The following FLACC1 variants were observed in gnomAD, a reference collection of about 807,000 sequenced individuals.
FLACC1 encodes flagellum-associated coiled-coil domain-containing protein 1.
Under a neutral mutation model 62.8 loss-of-function variants are expected in FLACC1, and 66 were observed. That is an observed-to-expected ratio of 1.05 (90% CI 0.86 to 1.29). The LOEUF (loss-of-function observed/expected upper bound fraction) is 1.29. Ranked by LOEUF, FLACC1 falls within the 50% of genes most tolerant of loss-of-function variation. The pLI is 0.00. For synonymous variants in FLACC1, 156 were observed against 161.0 expected, an observed-to-expected ratio of 0.97 and a Z score of 0.24; for missense variants, 452 against 489.1, an observed-to-expected ratio of 0.92 and a Z score of 0.71.
chr2:201,290,270 T>C (rs1949701509), intron 12 of FLACC1, among the ~76,000 whole-genome samples: 1 of 152,064 alleles, frequency 6.6e-6, no homozygotes, highest in Admixed American at 6.6e-5. Context: ...AGAACCCTCA[T>C]GTAAACTATG....
chr2:201,348,311 G>A lies in FLACC1; in HGVS notation c.186-9C>T, dbSNP rs1950959053. On this transcript the variant is annotated splice_polypyrimidine_tract_variant and intron_variant, in intron 3 of 14. Coordinates refer to ENST00000392257, the MANE Select transcript of FLACC1 (RefSeq NM_001127391.3). Reference sequence around the variant, plus strand: ...CTGAATGGATTTTCATTCTGCAAGAGAAAGACATGCTCAGAAAGCAACCAG... The same window carrying A: ...CTGAATGGATTTTCATTCTGCAAGAAAAAGACATGCTCAGAAAGCAACCAG... 6.2e-7 allele frequency: 1 copy of A among 1,611,570 alleles called. No individual in the cohort carries two copies. Among genetic ancestry groups the A allele is most frequent in the Non-Finnish European group, 8.5e-7 (1 of 1,179,686 alleles).
In FLACC1 at chr2:201,330,499, A is replaced by T. The variant is rs1312519282; in HGVS notation, c.646T>A (p.Tyr216Asn). The change falls in exon 9 of 15, where the codon TAT (tyrosine) becomes AAT (asparagine). Residue 216 changes from tyrosine to asparagine, a missense_variant. Around this residue, in one of 3 missense-constraint regions of FLACC1, gnomAD observed 301 missense variants for 318.4 expected, o/e 0.95. Coordinates refer to ENST00000392257, the MANE Select transcript of FLACC1 (RefSeq NM_001127391.3). ...KLEEMGKEYKYLKNMFRTYQD... is the reference protein window; with the variant it reads ...KLEEMGKEYKNLKNMFRTYQD... ...TACGTACGAAACATATTCTTCAAAT[A>T]CTTGTATTCTTTTCCCATCTCCTCT... The T allele has an allele frequency of 1.2e-6, 2 of 1,613,916 alleles. No homozygotes were observed. The highest frequency in any genetic ancestry group is 3.3e-5 in the Admixed American group (2 of 59,966).
intron 11 of FLACC1, among the ~76,000 whole-genome samples, chr2:201,301,690 G>C (rs1043986005): frequency 6.6e-6 from 1 of 152,164 alleles, no homozygotes; most frequent in Non-Finnish European, 1.5e-5. Flanking sequence ...AGAAAGGTTG[G>C]GTTACCCACA....
chr2:201,360,710 A>G (rs2125632948), upstream of FLACC1, among the ~76,000 whole-genome samples: 1 of 152,342 alleles, frequency 6.6e-6, no homozygotes, highest in Admixed American at 6.5e-5. Flanking sequence ...AAGAGGGGCC[A>G]CTGTTCTGAG....
intron 9 of FLACC1, among the ~76,000 whole-genome samples, chr2:201,328,824 TAA>T (rs1246339735): frequency 6.6e-6 from 1 of 152,266 alleles, no homozygotes; most frequent in Non-Finnish European, 1.5e-5. Flanking sequence ...TATTTTGAAA[TAA>T]GTTATAGAGC....
At chr2:201,296,420 C>G (rs564792485) in intron 12 of FLACC1, among the ~76,000 whole-genome samples, 1 of 149,666 alleles carries the variant, frequency 6.7e-6, no homozygotes, top group Non-Finnish European at 1.5e-5. Flanking sequence ...GGACAAAAAA[C>G]CAAACACCAC....
At chr2:201,301,331 G>C (rs1444476857) in intron 11 of FLACC1, among the ~76,000 whole-genome samples, 1 of 152,200 alleles carries the variant, frequency 6.6e-6, no homozygotes, top group Non-Finnish European at 1.5e-5. Context: ...AAGGGTATCA[G>C]TGATTGAAGA....
intron 3 of FLACC1, among the ~76,000 whole-genome samples, chr2:201,348,782 G>A (rs1466951875): frequency 6.6e-6 from 1 of 152,096 alleles, no homozygotes; most frequent in Non-Finnish European, 1.5e-5. Context: ...AGTTAAACTT[G>A]TTTTTCATTC....
At chr2:201,296,896 G>A (rs1002426878) in intron 12 of FLACC1, among the ~76,000 whole-genome samples, 1 of 152,166 alleles carries the variant, frequency 6.6e-6, no homozygotes, top group African/African-American at 2.4e-5. Flanking sequence ...GATTGGAAGG[G>A]CAAGAGGGAA....
intron 9 of FLACC1, among the ~76,000 whole-genome samples, chr2:201,313,956 A>T (rs1048896045): frequency 8.5e-5 from 13 of 152,234 alleles, no homozygotes; most frequent in African/African-American, 2.9e-4. Flanking sequence ...GATCCTAAAA[A>T]GAGATAACAA....
At chr2:201,362,900 A>C in the FLACC1 span, among the ~76,000 whole-genome samples, 1 of 152,152 alleles carries the variant, frequency 6.6e-6, no homozygotes, top group Non-Finnish European at 1.5e-5. Context: ...TAGTAGGTGC[A>C]GGGATTGTGC....
At chr2:201,294,467 G>A (rs561663390) in intron 12 of FLACC1, among the ~76,000 whole-genome samples, 21 of 152,112 alleles carry the variant, frequency 1.4e-4, no homozygotes, top group African/African-American at 4.1e-4. Flanking sequence ...AACAAAATTC[G>A]AAAACCGTTC....
chr2:201,362,945 C>A, the FLACC1 span, among the ~76,000 whole-genome samples: 1 of 152,148 alleles, frequency 6.6e-6, no homozygotes, highest in African/African-American at 2.4e-5. Context: ...GGGAGGAGAG[C>A]TGCTACAGCT....
In FLACC1 at chr2:201,338,438, T is replaced by C. The variant is rs989556445; in HGVS notation, c.524+3932A>G. 2.0e-5 allele frequency among the ~76,000 whole-genome samples: 3 copies of C among 152,298 alleles called. No individual in the cohort carries two copies. In the East Asian group the frequency reaches 5.8e-4, roughly 29 times the overall value. On this transcript the variant is annotated intron_variant, in intron 7 of 14. Transcript: ENST00000392257. ...TCTGGCTAGGACTTCCAGTACTATA[T>C]TGAATAGGAGCGGTAAAAGTAGCCA...
chr2:201,360,063 T>A (rs1951171977), upstream of FLACC1, among the ~76,000 whole-genome samples: 3 of 152,180 alleles, frequency 2.0e-5, no homozygotes, highest in Admixed American at 6.5e-5. Context: ...CAGCACTAAT[T>A]ACTACTACTT....
At chr2:201,338,677 T>G (rs934124339) in intron 7 of FLACC1, among the ~76,000 whole-genome samples, 8 of 152,242 alleles carry the variant, frequency 5.3e-5, no homozygotes, top group Non-Finnish European at 1.0e-4. Flanking sequence ...CACATGATTT[T>G]TGTCCTTCAT....
At chr2:201,292,422 A>G (rs1042433080) in intron 12 of FLACC1, among the ~76,000 whole-genome samples, 1 of 152,238 alleles carries the variant, frequency 6.6e-6, no homozygotes, top group Non-Finnish European at 1.5e-5. Context: ...TATCCAGTCA[A>G]ACTAAGCTTC....
At chr2:201,330,602 AC>A (rs1950574058) in intron 8 of FLACC1, 80 bp from the exon 9 acceptor site, 1 of 1,543,094 alleles carries the variant, frequency 6.5e-7, no homozygotes, top group African/African-American at 1.4e-5. Flanking sequence ...GTTCTTCTGC[AC>A]ACCTTCCCCA....
intron 9 of FLACC1, among the ~76,000 whole-genome samples, chr2:201,328,528 C>A (rs562046286): frequency 6.6e-6 from 1 of 152,138 alleles, no homozygotes; most frequent in Non-Finnish European, 1.5e-5. Context: ...CAGGTTCAAG[C>A]GATTCTCCCG....
Sources: allele counts gnomAD v4.1 joint callset (sites outside exome capture counted in the v4.1 genomes callset), GRCh38; gene constraint gnomAD v4.1.1; regional missense constraint gnomAD v4.1.1; transcripts MANE v1.5; gene names NCBI Gene and HGNC (gene_info 2026-07-23, HGNC 2026-07-21).